The following DPP3 variants were observed in gnomAD, a reference collection of about 807,000 sequenced individuals.
The protein encoded by DPP3 is DPP III.
Under a neutral mutation model 89.8 loss-of-function variants are expected in DPP3, and 64 were observed. The observed-to-expected ratio is 0.71, with a 90% CI of 0.58 to 0.88. The LOEUF (loss-of-function observed/expected upper bound fraction) is 0.88, where lower values mean the gene tolerates loss of function less well. Among genes scored for constraint, DPP3 ranks in the 40% least tolerant of loss-of-function variants. DPP3 has a pLI of 0.00. For missense variants in DPP3, 835 were observed against 972.5 expected, an observed-to-expected ratio of 0.86 and a Z score of 1.88; for synonymous variants, 377 against 404.3, an observed-to-expected ratio of 0.93 and a Z score of 0.81.
rs139938635 is a variant in DPP3, at chr11:66,495,265, G to C, written c.1449G>C (p.Glu483Asp). 6.8e-6 allele frequency: 11 copies of C among 1,613,272 alleles called. No individual in the cohort carries two copies. In the African/African-American group the frequency reaches 1.5e-4, roughly 22 times the overall value. Residue 483 changes from glutamate to aspartate, a missense_variant, in exon 13 of 18, where the codon GAG becomes GAC. Coordinates refer to ENST00000531863, the MANE Select transcript of DPP3 (RefSeq NM_130443.4). ...QETVINPETG[E>D]QIQSWYRSGE... ...CAGTGATCAACCCAGAGACGGGCGAGCAGGTGAGGGAGGCCTCAGCAGAGC... is the reference window on the plus strand; with the variant it reads ...CAGTGATCAACCCAGAGACGGGCGACCAGGTGAGGGAGGCCTCAGCAGAGC...
intron 9 of DPP3, 146 bp from the exon 10 acceptor site, chr11:66,492,570 C>CT: frequency 3.1e-6 from 3 of 957,180 alleles, no homozygotes; most frequent in Non-Finnish European, 4.6e-6. Flanking sequence ...CAGTAGGGCC[C>CT]AGGCCTGGGT....
chr11:66,481,318 G>A (rs551085667), intron 1 of DPP3, among the ~76,000 whole-genome samples: 4 of 152,218 alleles, frequency 2.6e-5, no homozygotes, highest in Admixed American at 2.6e-4. Context: ...GCGAGACCCC[G>A]TCTCTATCAA....
At chr11:66,488,534 C>G (rs1855295705) in intron 6 of DPP3, among the ~76,000 whole-genome samples, 1 of 149,164 alleles carries the variant, frequency 6.7e-6, no homozygotes, top group Non-Finnish European at 1.5e-5. Context: ...TGCACTCCAA[C>G]CTGGGTGACA....
chr11:66,504,802 G>C (rs754122182), intron 17 of DPP3, 28 bp downstream of exon 17: 3 of 1,595,706 alleles, frequency 1.9e-6, no homozygotes, highest in African/African-American at 2.7e-5. Context: ...GAGCTCTTGA[G>C]CTCCCTTGAT....
At chr11:66,508,163 T>G (rs1349106368) in intron 17 of DPP3, among the ~76,000 whole-genome samples, 1 of 152,230 alleles carries the variant, frequency 6.6e-6, no homozygotes, top group Non-Finnish European at 1.5e-5. Context: ...CTGTGCAGCT[T>G]GTGATGTCAT....
At chr11:66,491,790 C>T (rs1565270016) in intron 9 of DPP3, 34 bp downstream of exon 9, 1 of 1,609,788 alleles carries the variant, frequency 6.2e-7, no homozygotes, top group East Asian at 2.2e-5. Flanking sequence ...AGTCACAGTC[C>T]CTTCCCCCAC....
chr11:66,490,767 GTTTTGTTTT>G (rs1855358789), intron 6 of DPP3, among the ~76,000 whole-genome samples: 1 of 138,090 alleles, frequency 7.2e-6, no homozygotes, highest in Non-Finnish European at 1.6e-5. Context: ...TGTTTTTTTT[GTTTTGTTTT>G]TTTTTTTTTT....
chr11:66,502,238 C>T (rs958584815), intron 16 of DPP3, among the ~76,000 whole-genome samples: 2 of 151,566 alleles, frequency 1.3e-5, no homozygotes, highest in Non-Finnish European at 2.9e-5. Context: ...TAGATGGGGA[C>T]AGCCACAGAG....
At chr11:66,493,003 G>A (rs1274582872) in intron 10 of DPP3, 64 bp from the exon 11 acceptor site, 23 of 1,609,260 alleles carry the variant, frequency 1.4e-5, no homozygotes, top group Non-Finnish European at 1.9e-5. Context: ...AAACTGCTCT[G>A]TGCCTCTTGT....
At chr11:66,491,933 C>T (rs1254605239) in intron 9 of DPP3, among the ~76,000 whole-genome samples, 177 bp downstream of exon 9, 1 of 152,148 alleles carries the variant, frequency 6.6e-6, no homozygotes, top group African/African-American at 2.4e-5. Flanking sequence ...AGAAGCTTAG[C>T]TATATTAACT....
intron 16 of DPP3, among the ~76,000 whole-genome samples, chr11:66,500,646 ACAG>A (rs1048376479): frequency 3.9e-5 from 6 of 152,360 alleles, no homozygotes; most frequent in Admixed American, 1.3e-4. Flanking sequence ...ATTTTAAGAA[ACAG>A]CAGCGTCATC....
In DPP3 at chr11:66,509,352, G is replaced by GCTTGGAC. The variant is rs1855889077; in HGVS notation, c.*107_*113dup. 1.3e-6 allele frequency: 2 copies of GCTTGGAC among 1,544,974 alleles called. No homozygotes were observed. Among genetic ancestry groups the GCTTGGAC allele is most frequent in the Non-Finnish European group, 8.7e-7 (1 of 1,146,906 alleles). ...GGGCTGGGGAGGGGGAGGGGCAGGA[G>GCTTGGAC]CTTGGACCTTGGTACTACCTCAGCT... On this transcript the variant is annotated 3_prime_UTR_variant, in exon 18 of 18. Coordinates refer to ENST00000531863, the MANE Select transcript of DPP3 (RefSeq NM_130443.4).
At chr11:66,499,095 G>T (rs552199876) in intron 16 of DPP3, among the ~76,000 whole-genome samples, 1 of 152,306 alleles carries the variant, frequency 6.6e-6, no homozygotes, top group Non-Finnish European at 1.5e-5. Flanking sequence ...GGGCGCGGTG[G>T]CTCACGCCTG....
Position 66,480,810 on chromosome 11 carries a change from T to C in DPP3, c.-9+345T>C, listed in dbSNP as rs1307182997. 3 of 249,336 alleles carry C rather than the reference T, an allele frequency of 1.2e-5. No homozygotes were observed. In the Admixed American group the frequency reaches 1.7e-4, roughly 14 times the overall value. The allele number at this position is 249,336 out of a possible 1,614,324, so 15.4% of individuals were successfully genotyped here. On this transcript the variant is annotated intron_variant, in intron 1 of 17. Coordinates refer to ENST00000531863, the MANE Select transcript of DPP3 (RefSeq NM_130443.4). ...TCAGACCTTCAGTAAATTGTTGCCC[T>C]TTCCAAGCCTCAGTTTCCCTATCTG...
Position 66,485,409 on chromosome 11 carries a change from G to A in DPP3, c.360+147G>A, listed in dbSNP as rs1038782817. On this transcript the variant is annotated intron_variant, in intron 3 of 17. Transcript: ENST00000531863. ...GCTTCCACCCTGCATGACTGTGGGTGTCACCAGCCTCACTGGGTGCTGCGG... is the reference window on the plus strand; with the variant it reads ...GCTTCCACCCTGCATGACTGTGGGTATCACCAGCCTCACTGGGTGCTGCGG... 13 of 759,060 alleles carry A rather than the reference G, an allele frequency of 1.7e-5. No individual in the cohort carries two copies. In the East Asian group the frequency reaches 3.5e-4, roughly 21 times the overall value. 47.0% of individuals were successfully genotyped at this position (759,060 alleles called of 1,614,324 possible). A position where few individuals can be genotyped will look rare whatever the true frequency, so the allele number is the denominator to read the frequency against.
intron 15 of DPP3, 68 bp from the exon 16 acceptor site, chr11:66,497,230 C>A: frequency 1.3e-6 from 2 of 1,547,094 alleles, no homozygotes; most frequent in South Asian, 2.4e-5. Flanking sequence ...AGGACCAAGC[C>A]AAGGACCAAG....
chr11:66,505,310 G>T (rs892298208), intron 17 of DPP3, among the ~76,000 whole-genome samples: 3 of 152,158 alleles, frequency 2.0e-5, no homozygotes, highest in Non-Finnish European at 4.4e-5. Flanking sequence ...GCCCCTTACT[G>T]CCTTCACTTT....
At chr11:66,492,314 T>C in intron 9 of DPP3, 1 of 191,754 alleles carries the variant, frequency 5.2e-6, no homozygotes, top group South Asian at 1.3e-4. Flanking sequence ...GACCCACCTG[T>C]GCAAGGCAGG....
chr11:66,485,107 G>C, intron 2 of DPP3, 66 bp from the exon 3 acceptor site: 2 of 1,457,192 alleles, frequency 1.4e-6, no homozygotes, highest in Admixed American at 1.7e-5. Context: ...CGCATCTCAG[G>C]AGGAGGTGTC....
Sources: gnomAD v4.1 joint callset for allele counts (sites outside exome capture counted in the v4.1 genomes callset) on GRCh38, gnomAD v4.1.1 for gene constraint, MANE v1.5 for transcripts, NCBI Gene and HGNC (gene_info 2026-07-23, HGNC 2026-07-21) for gene names.